Variants in ZNF395 observed in about 807,000 individuals in gnomAD.
The protein encoded by ZNF395 is HD gene regulatory region-binding protein 2.
ZNF395 carries 20 observed loss-of-function variants against 57.7 expected under a neutral mutation model. That is an observed-to-expected ratio of 0.35 (90% CI 0.24 to 0.50). The LOEUF (loss-of-function observed/expected upper bound fraction) is 0.50. ZNF395 is among the 20% of genes least tolerant of loss of function. The pLI, the probability that ZNF395 is intolerant of heterozygous loss-of-function variation, is 0.97. For synonymous variants in ZNF395, 295 were observed against 275.9 expected, an observed-to-expected ratio of 1.07 and a Z score of -0.69; for missense variants, 606 against 671.2, an observed-to-expected ratio of 0.90 and a Z score of 1.07.
At chr8:28,353,144 G>A in intron 5 of ZNF395, 29 bp downstream of exon 5, 1 of 1,606,448 alleles carries the variant, frequency 6.2e-7, no homozygotes, top group Non-Finnish European at 8.5e-7. Flanking sequence ...GCTCCAGCCT[G>A]GGCTCCCACT....
At chr8:28,374,329 G>C (rs1802012216) in intron 1 of ZNF395, among the ~76,000 whole-genome samples, 1 of 152,238 alleles carries the variant, frequency 6.6e-6, no homozygotes, top group Admixed American at 6.5e-5. Context: ...GCAAGTCCAT[G>C]AAAGTGCTGG....
At chr8:28,385,797 C>G (rs1802171216) in intron 1 of ZNF395, among the ~76,000 whole-genome samples, 1 of 148,116 alleles carries the variant, frequency 6.8e-6, no homozygotes, top group East Asian at 1.9e-4. Context: ...GCGAGGTAAA[C>G]AAGGCGACGC....
At chr8:28,355,493 A>C (rs1036951033) in intron 4 of ZNF395, among the ~76,000 whole-genome samples, 1 of 151,526 alleles carries the variant, frequency 6.6e-6, no homozygotes, top group Admixed American at 6.6e-5. Context: ...GGATGATGGC[A>C]TATCATCAGT....
At chr8:28,365,745 T>C (rs906472177) in intron 1 of ZNF395, among the ~76,000 whole-genome samples, 3 of 152,204 alleles carry the variant, frequency 2.0e-5, no homozygotes, top group Admixed American at 2.0e-4. Context: ...TTTCAGTCCA[T>C]GTCCAAAAGG....
chr8:28,361,371 C>G (rs775228645), intron 1 of ZNF395, among the ~76,000 whole-genome samples, 189 bp from the exon 2 acceptor site: 1 of 152,220 alleles, frequency 6.6e-6, no homozygotes, highest in Non-Finnish European at 1.5e-5. Context: ...GAGGCCCACT[C>G]TTCCTATGCA....
At chr8:28,362,597 T>C (rs1366924469) in intron 1 of ZNF395, among the ~76,000 whole-genome samples, 1 of 151,120 alleles carries the variant, frequency 6.6e-6, no homozygotes, top group African/African-American at 2.4e-5. Flanking sequence ...GCACAGCCCT[T>C]AGCTCAAGCT....
intron 1 of ZNF395, among the ~76,000 whole-genome samples, chr8:28,385,584 T>C (rs964729204): frequency 5.4e-5 from 8 of 149,502 alleles, no homozygotes; most frequent in East Asian, 4.0e-4. Flanking sequence ...TCCCGCAGCC[T>C]GGCCTCGCGC....
In ZNF395 at chr8:28,352,677, C is replaced by T. The variant is rs1801732077; in HGVS notation, c.820-4G>A. Reference sequence around the variant, plus strand: ...TGTACATCACCTTCACAGAGTTCTACAGGAAAGGAAGACAGGGTGAGTGGA... The same window carrying T: ...TGTACATCACCTTCACAGAGTTCTATAGGAAAGGAAGACAGGGTGAGTGGA... On this transcript the variant is annotated splice_polypyrimidine_tract_variant and splice_region_variant and intron_variant, in intron 5 of 9. Transcript: ENST00000344423. This position sits in a 1 kb window ranked among gnomAD's most constrained non-coding sequence, Gnocchi z 4.0. 6.2e-7 allele frequency: 1 copy of T among 1,613,230 alleles called. No homozygotes were observed. The highest frequency in any genetic ancestry group is 8.5e-7 in the Non-Finnish European group (1 of 1,179,208).
chr8:28,379,107 T>C (rs565764341), intron 1 of ZNF395, among the ~76,000 whole-genome samples: 1 of 152,308 alleles, frequency 6.6e-6, no homozygotes, highest in Non-Finnish European at 1.5e-5. Context: ...AAAATGAACG[T>C]CTCCTCCTTC....
rs549107124 is a variant in ZNF395 at position 28,353,985 on chromosome 8, T to C, written c.584-577A>G. On this transcript the variant is annotated intron_variant, in intron 4 of 9. Coordinates refer to ENST00000344423, the MANE Select transcript of ZNF395 (RefSeq NM_018660.3). The stretch of plus-strand genomic sequence containing the variant: ...AGGCCAGTCCATAGAAACCTGTGGG[T>C]GGAACAAACAACTCAGCCTTTGCAA... Among the ~76,000 whole-genome samples, 3 of 152,272 alleles carry C rather than the reference T, an allele frequency of 2.0e-5. No homozygotes were observed. The South Asian group carries it at 6.2e-4, about 32-fold the overall frequency.
intron 1 of ZNF395, among the ~76,000 whole-genome samples, chr8:28,375,806 C>T (rs2129988413): frequency 6.6e-6 from 1 of 152,196 alleles, no homozygotes; most frequent in East Asian, 1.9e-4. Flanking sequence ...TTAAGAACAG[C>T]ACACCAAGAG....
At chr8:28,384,972 A>C (rs757815659) in intron 1 of ZNF395, 2 of 152,236 alleles carry the variant, frequency 1.3e-5, no homozygotes, top group Non-Finnish European at 2.9e-5. Flanking sequence ...AGTTGAACTT[A>C]ATGGCCATGT....
At chr8:28,370,304 C>T (rs1801961959) in intron 1 of ZNF395, among the ~76,000 whole-genome samples, 1 of 152,088 alleles carries the variant, frequency 6.6e-6, no homozygotes, top group Non-Finnish European at 1.5e-5. Context: ...CAGGCACCAT[C>T]GGGGAAGATT....
In ZNF395 at chr8:28,352,216, C is replaced by T. The variant is rs1209651520; in HGVS notation, c.920+357G>A. ...GGCGGAGGCACCAGGGTGGGGCTAG[C>T]GGAGACCCACTCCCAAGGAAGAGTG... is the stretch of plus-strand genomic sequence containing the variant. On this transcript the variant is annotated intron_variant, in intron 6 of 9. Coordinates refer to ENST00000344423, the MANE Select transcript of ZNF395 (RefSeq NM_018660.3). The surrounding 1 kb of genome is among the most constrained non-coding windows in gnomAD (Gnocchi z 4.0). Among the ~76,000 whole-genome samples, 3 of 152,154 alleles carry T rather than the reference C, an allele frequency of 2.0e-5. No individual in the cohort carries two copies. The highest frequency in any genetic ancestry group is 2.1e-4 in the South Asian group (1 of 4,828).
At position 28,347,852 on chromosome 8, in the gene ZNF395, G is replaced by A. The variant is rs1801626535; in HGVS notation, c.*867C>T. ...CTGAGGCGTCCTTTCAATAACCGGA[G>A]GAAGGCGGCGTCAGGAGGGTGCTTC... On this transcript the variant is annotated 3_prime_UTR_variant, in exon 10 of 10. Coordinates refer to ENST00000344423, the MANE Select transcript of ZNF395 (RefSeq NM_018660.3). 6.6e-6 allele frequency: 1 copy of A among 152,248 alleles called. No individual in the cohort carries two copies. Among genetic ancestry groups the A allele is most frequent in the Non-Finnish European group, 1.5e-5 (1 of 68,066 alleles). 9.4% of individuals were successfully genotyped at this position (152,248 alleles called of 1,614,324 possible).
intron 1 of ZNF395, among the ~76,000 whole-genome samples, chr8:28,383,095 G>C (rs1802129806): frequency 6.6e-6 from 1 of 152,164 alleles, no homozygotes; most frequent in African/African-American, 2.4e-5. Context: ...TGGACAATCA[G>C]ACACACTCTA....
chr8:28,369,106 G>C (rs1801946490), intron 1 of ZNF395, among the ~76,000 whole-genome samples: 1 of 151,530 alleles, frequency 6.6e-6, no homozygotes, highest in African/African-American at 2.4e-5. Context: ...AAAGTGCTGG[G>C]ATTACAGGCA....
At chr8:28,375,598 C>G (rs757846871) in intron 1 of ZNF395, among the ~76,000 whole-genome samples, 4 of 152,084 alleles carry the variant, frequency 2.6e-5, no homozygotes, top group African/African-American at 4.8e-5. Flanking sequence ...CACTTAAGAT[C>G]TGTGCTGTAT....
chr8:28,377,409 A>AT (rs578253150), intron 1 of ZNF395, among the ~76,000 whole-genome samples: 8 of 152,186 alleles, frequency 5.3e-5, no homozygotes, highest in African/African-American at 1.7e-4. Flanking sequence ...TCTCAAAAAA[A>AT]TTTTTTTTAA....
Sources: allele counts gnomAD v4.1 joint callset (sites outside exome capture counted in the v4.1 genomes callset), GRCh38; gene constraint gnomAD v4.1.1; non-coding constraint Gnocchi (gnomAD v3.1); transcripts MANE v1.5; gene names NCBI Gene and HGNC (gene_info 2026-07-23, HGNC 2026-07-21).